CDKAL1: variants seen among roughly 807,000 people sequenced by gnomAD.
CDKAL1 encodes the protein CDKAL1 threonylcarbamoyladenosine tRNA methylthiotransferase.
Under a neutral mutation model 68.2 loss-of-function variants are expected in CDKAL1, and 32 were observed. That is an observed-to-expected ratio of 0.47 (90% CI 0.35 to 0.63). The LOEUF is 0.63. CDKAL1 is among the 30% of genes least tolerant of loss of function. The pLI, the probability that CDKAL1 is intolerant of heterozygous loss-of-function variation, is 0.00. For synonymous variants in CDKAL1, 234 were observed against 244.3 expected, an observed-to-expected ratio of 0.96 and a Z score of 0.39; for missense variants, 606 against 696.7, an observed-to-expected ratio of 0.87 and a Z score of 1.47.
At chr6:21,185,961 A>C (rs1441054626) in intron 13 of CDKAL1, among the ~76,000 whole-genome samples, 1 of 152,080 alleles carries the variant, frequency 6.6e-6, no homozygotes, top group East Asian at 1.9e-4. Flanking sequence ...ATGCAGGTGC[A>C]CAGTAATACA....
chr6:21,195,365 G>A (rs187201862), intron 13 of CDKAL1, among the ~76,000 whole-genome samples: 146 of 152,208 alleles, frequency 9.6e-4, no homozygotes, highest in African/African-American at 2.8e-3. Context: ...GTTTCACCAC[G>A]TTGGCCAGGC....
intron 11 of CDKAL1, among the ~76,000 whole-genome samples, chr6:21,056,766 A>C (rs1443017372): frequency 6.6e-6 from 1 of 152,212 alleles, no homozygotes; most frequent in Non-Finnish European, 1.5e-5. Flanking sequence ...CCTTTTCTGC[A>C]TCTATTGAGA....
At chr6:20,780,819 G>C (rs1350277652) in intron 7 of CDKAL1, among the ~76,000 whole-genome samples, 1 of 151,638 alleles carries the variant, frequency 6.6e-6, no homozygotes, top group African/African-American at 2.4e-5. Flanking sequence ...GATTACAGGC[G>C]CCCGCCACCA....
chr6:20,819,090 G>A (rs1777167873), intron 8 of CDKAL1, among the ~76,000 whole-genome samples: 1 of 152,064 alleles, frequency 6.6e-6, no homozygotes, highest in South Asian at 2.1e-4. Flanking sequence ...ACTTCTGGGA[G>A]TACCATTTTC....
intron 8 of CDKAL1, among the ~76,000 whole-genome samples, chr6:20,790,912 T>G (rs1205829097): frequency 1.3e-5 from 2 of 152,116 alleles, no homozygotes; most frequent in Non-Finnish European, 2.9e-5. Flanking sequence ...AAGGCACCAT[T>G]CAAAGGTAGG....
chr6:20,816,856 C>A (rs1777067775), intron 8 of CDKAL1, among the ~76,000 whole-genome samples: 1 of 152,022 alleles, frequency 6.6e-6, no homozygotes, highest in Non-Finnish European at 1.5e-5. Context: ...TTTGTTATCT[C>A]AAGAGTCAGT....
intron 5 of CDKAL1, among the ~76,000 whole-genome samples, chr6:20,730,345 C>A (rs1213444044): frequency 1.6e-5 from 2 of 127,646 alleles, no homozygotes; most frequent in East Asian, 2.3e-4. Context: ...AAGCCAGACC[C>A]GAAAAGAAAG....
intron 13 of CDKAL1, among the ~76,000 whole-genome samples, chr6:21,114,059 T>A (rs1429862097): frequency 6.6e-6 from 1 of 151,232 alleles, no homozygotes; most frequent in African/African-American, 2.5e-5. Flanking sequence ...CCATCCTGGC[T>A]AACGCAGTGA....
intron 9 of CDKAL1, among the ~76,000 whole-genome samples, chr6:20,854,964 T>C (rs1759248089): frequency 6.6e-6 from 1 of 152,192 alleles, no homozygotes; most frequent in Non-Finnish European, 1.5e-5. Context: ...AAGCAACAGT[T>C]TTGACTCTTA....
chr6:20,847,046 A>AT (rs753333821), intron 9 of CDKAL1, among the ~76,000 whole-genome samples: 26 of 152,138 alleles, frequency 1.7e-4, no homozygotes, highest in Non-Finnish European at 3.2e-4. Flanking sequence ...TTCCAAATTC[A>AT]TTTTTTTGTT....
intron 8 of CDKAL1, among the ~76,000 whole-genome samples, chr6:20,823,092 A>G (rs537539986): frequency 4.6e-5 from 7 of 152,248 alleles, no homozygotes; most frequent in Non-Finnish European, 7.4e-5. Context: ...TCTCTCTCAC[A>G]TACATATATA....
intron 5 of CDKAL1, among the ~76,000 whole-genome samples, chr6:20,665,909 A>T (rs1769518555): frequency 6.6e-6 from 1 of 151,982 alleles, no homozygotes; most frequent in East Asian, 1.9e-4. Flanking sequence ...AGCGGAAGAC[A>T]TCTAGCACCT....
At chr6:20,587,272 C>T (rs543926781) in intron 4 of CDKAL1, among the ~76,000 whole-genome samples, 1 of 152,146 alleles carries the variant, frequency 6.6e-6, no homozygotes, top group Non-Finnish European at 1.5e-5. Context: ...CAGGCATGAG[C>T]TACCACGCCT....
chr6:21,143,483 G>C (rs766974828), intron 13 of CDKAL1, among the ~76,000 whole-genome samples: 37 of 152,148 alleles, frequency 2.4e-4, no homozygotes, highest in Non-Finnish European at 4.4e-4. Context: ...AGCAGCCTTA[G>C]ACAAAAGCTT....
At chr6:20,535,271 C>G (rs1322985002) in intron 1 of CDKAL1, 80 bp from the exon 2 acceptor site, 1 of 152,310 alleles carries the variant, frequency 6.6e-6, no homozygotes, top group Admixed American at 6.5e-5. Context: ...GAGTCTGATT[C>G]CTTTTAAGTA....
At chr6:20,731,600 A>G (rs947975652) in intron 5 of CDKAL1, among the ~76,000 whole-genome samples, 2 of 152,216 alleles carry the variant, frequency 1.3e-5, no homozygotes, top group African/African-American at 4.8e-5. Context: ...TACTTTAGAT[A>G]CAGCTTTTAA....
At chr6:20,697,718 A>C (rs1187635237) in intron 5 of CDKAL1, among the ~76,000 whole-genome samples, 3 of 152,218 alleles carry the variant, frequency 2.0e-5, no homozygotes, top group Non-Finnish European at 4.4e-5. Context: ...ACTGTCATGA[A>C]ATGACATAGG....
intron 4 of CDKAL1, among the ~76,000 whole-genome samples, chr6:20,622,639 C>T (rs1315930330): frequency 6.6e-6 from 1 of 152,004 alleles, no homozygotes. Flanking sequence ...GTGTTTAGTT[C>T]ATTGGGTTCA....
intron 9 of CDKAL1, among the ~76,000 whole-genome samples, chr6:20,869,585 G>T (rs7770607): frequency 6.6e-6 from 1 of 152,144 alleles, no homozygotes; most frequent in Admixed American, 6.5e-5. Context: ...TGAATGCACA[G>T]TTAAGAATGG....
Sources: allele counts gnomAD v4.1 joint callset (sites outside exome capture counted in the v4.1 genomes callset), GRCh38; gene constraint gnomAD v4.1.1; transcripts MANE v1.5; gene names NCBI Gene and HGNC (gene_info 2026-07-23, HGNC 2026-07-21).